Variants in ZGPAT observed in about 807,000 individuals in gnomAD.
ZGPAT encodes zinc finger CCCH-type with G patch domain-containing protein.
A neutral mutation model predicts 47.9 loss-of-function variants in ZGPAT; 39 were observed. The observed-to-expected ratio is 0.81, with a 90% confidence interval of 0.63 to 1.06. ZGPAT has a LOEUF of 1.06. ZGPAT is among the 50% of genes least tolerant of loss of function. The pLI is 0.00. For missense variants in ZGPAT, 717 were observed against 681.4 expected, an observed-to-expected ratio of 1.05 and a Z score of -0.58; for synonymous variants, 348 against 292.9, an observed-to-expected ratio of 1.19 and a Z score of -1.92.
intron 2 of ZGPAT, among the ~76,000 whole-genome samples, chr20:63,721,893 A>T (rs772843658): frequency 1.3e-5 from 2 of 151,938 alleles, no homozygotes; most frequent in African/African-American, 4.8e-5. Flanking sequence ...GGTGCCTGTA[A>T]TCTCAGCTAC....
At position 63,736,050 on chromosome 20, in the gene ZGPAT, T is replaced by G. The variant is rs1601356874; in HGVS notation, c.*131T>G. On this transcript the variant is annotated 3_prime_UTR_variant, in exon 7 of 7. Coordinates refer to ENST00000355969, the MANE Select transcript of ZGPAT (RefSeq NM_181485.3). ...AGACACTGCTGAGTGGAGACAGAGCTGCGGGGTCCCATCTGGACACTTACT... is the reference window on the plus strand; with the variant it reads ...AGACACTGCTGAGTGGAGACAGAGCGGCGGGGTCCCATCTGGACACTTACT... The G allele has an allele frequency of 7.5e-7, 1 of 1,340,512 alleles. No individual in the cohort carries two copies. The allele number at this position is 1,340,512 out of a possible 1,614,324, so 83.0% of individuals were successfully genotyped here.
At chr20:63,727,326 C>T (rs1002437698) in intron 2 of ZGPAT, among the ~76,000 whole-genome samples, 1 of 151,394 alleles carries the variant, frequency 6.6e-6, no homozygotes, top group African/African-American at 2.4e-5. Context: ...CTGCAACCCT[C>T]TGCCTTCTGG....
At position 63,708,876 on chromosome 20, in the gene ZGPAT, C is replaced by T. The variant is rs951663826; in HGVS notation, c.296C>T (p.Ser99Phe). The T allele has an allele frequency of 1.2e-6, 2 of 1,610,746 alleles. No homozygotes were observed. The highest frequency in any genetic ancestry group is 2.7e-5 in the African/African-American group (2 of 74,920). ...AVEAPAAARG[S>F]GSETVPKAEA... ...GAGGCACCAGCAGCGGCCCGTGGGT[C>T]CGGATCAGAGACCGTTCCTAAAGCA... The change falls in exon 2 of 7, where the codon TCC (serine) becomes TTC (phenylalanine). Residue 99 changes from serine to phenylalanine, a missense_variant. Physicochemically the swap from Ser to Phe is radical, Grantham distance 155. Coordinates refer to ENST00000355969, the MANE Select transcript of ZGPAT (RefSeq NM_181485.3).
chr20:63,725,753 G>A (rs184901525), intron 2 of ZGPAT, among the ~76,000 whole-genome samples: 17 of 140,202 alleles, frequency 1.2e-4, no homozygotes, highest in South Asian at 2.3e-4. Context: ...GTTGGTGTGC[G>A]TTCTCTAAAG....
chr20:63,730,894 TTCTG>T (rs2091890713), intron 2 of ZGPAT, among the ~76,000 whole-genome samples: 1 of 150,676 alleles, frequency 6.6e-6, no homozygotes, highest in Non-Finnish European at 1.5e-5. Context: ...AAGATTGCAG[TTCTG>T]TCTGTCCCCA....
At chr20:63,713,341 C>G (rs2091690401) in intron 2 of ZGPAT, among the ~76,000 whole-genome samples, 1 of 151,854 alleles carries the variant, frequency 6.6e-6, no homozygotes, top group Admixed American at 6.6e-5. Context: ...CACCATTCTT[C>G]TGCCTCAGCC....
intron 2 of ZGPAT, among the ~76,000 whole-genome samples, chr20:63,714,871 A>C (rs2091710285): frequency 6.6e-6 from 1 of 151,802 alleles, no homozygotes; most frequent in Non-Finnish European, 1.5e-5. Flanking sequence ...CTTAAACTCC[A>C]GGGCTCAAGC....
At chr20:63,731,595 G>A (rs1285808512) in intron 2 of ZGPAT, among the ~76,000 whole-genome samples, 1 of 150,572 alleles carries the variant, frequency 6.6e-6, no homozygotes, top group Non-Finnish European at 1.5e-5. Flanking sequence ...CATGTGTAAA[G>A]TGTACAGTTG....
At chr20:63,709,435 C>G (rs369336950) in intron 2 of ZGPAT, among the ~76,000 whole-genome samples, 1 of 152,142 alleles carries the variant, frequency 6.6e-6, no homozygotes, top group African/African-American at 2.4e-5. Flanking sequence ...GTCAGGAGTT[C>G]AAGACCACGC....
Position 63,735,287 on chromosome 20 carries a change from A to G in ZGPAT, c.1120A>G (p.Lys374Glu). 1 of 1,605,682 alleles carries G rather than the reference A, an allele frequency of 6.2e-7. No homozygotes were observed. The highest frequency in any genetic ancestry group is 1.7e-4 in the Middle Eastern group (1 of 6,020). Residue 374 changes from lysine (K) to glutamate (E), a missense_variant, in exon 6 of 7, where the codon AAG (lysine) becomes GAG (glutamate). Physicochemically the swap from Lys to Glu is moderately conservative, Grantham distance 56 (BLOSUM62 1). Transcript: ENST00000355969. Reference protein sequence around the residue: ...QTRVGKAGTNKPPRCRGRGAR... With the variant: ...QTRVGKAGTNEPPRCRGRGAR... Reference sequence around the variant, plus strand: ...CAGGGTTGGCAAGGCTGGCACCAACAAGCCCCCCAGGTGCCGGGGAAGAGG... The same window carrying G: ...CAGGGTTGGCAAGGCTGGCACCAACGAGCCCCCCAGGTGCCGGGGAAGAGG...
At chr20:63,710,779 A>G (rs543786238) in intron 2 of ZGPAT, among the ~76,000 whole-genome samples, 1 of 152,360 alleles carries the variant, frequency 6.6e-6, no homozygotes, top group African/African-American at 2.4e-5. Flanking sequence ...AGGACAAAAA[A>G]GAGTAACTTC....
At chr20:63,727,545 C>A (rs1348362699) in intron 2 of ZGPAT, among the ~76,000 whole-genome samples, 3 of 151,874 alleles carry the variant, frequency 2.0e-5, no homozygotes, top group African/African-American at 7.3e-5. Flanking sequence ...GTAGCTCACA[C>A]CTGTAGTCCC....
intron 2 of ZGPAT, among the ~76,000 whole-genome samples, chr20:63,709,792 C>T (rs2091639538): frequency 6.6e-6 from 1 of 152,050 alleles, no homozygotes; most frequent in Non-Finnish European, 1.5e-5. Context: ...GATCCTCCTG[C>T]CTCAGCCCCC....
At chr20:63,711,319 G>C (rs1325421033) in intron 2 of ZGPAT, among the ~76,000 whole-genome samples, 1 of 152,180 alleles carries the variant, frequency 6.6e-6, no homozygotes, top group East Asian at 1.9e-4. Context: ...ACTGCTCCAA[G>C]GGTTTCATAT....
chr20:63,734,875 A>G (rs761406898), intron 5 of ZGPAT, 51 bp downstream of exon 5: 1 of 1,514,844 alleles, frequency 6.6e-7, no homozygotes, highest in Non-Finnish European at 8.8e-7. Context: ...AGCATAGCCC[A>G]GGTCCAGCAG....
chr20:63,717,439 G>A (rs374194486), intron 2 of ZGPAT, among the ~76,000 whole-genome samples: 27 of 138,622 alleles, frequency 1.9e-4, no homozygotes, highest in Middle Eastern at 4.4e-3. Context: ...AGCCTCCGCC[G>A]CCCAGGCGAT....
chr20:63,719,988 C>T (rs913730838), intron 2 of ZGPAT, among the ~76,000 whole-genome samples: 9 of 152,012 alleles, frequency 5.9e-5, no homozygotes, highest in Admixed American at 1.3e-4. Flanking sequence ...GTGATCTGTC[C>T]GCCTCAGCCT....
intron 2 of ZGPAT, 46 bp from the exon 3 acceptor site, chr20:63,733,173 C>T (rs1462480191): frequency 5.6e-6 from 9 of 1,595,562 alleles, no homozygotes; most frequent in Non-Finnish European, 7.7e-6. Context: ...TGGTTTGCCC[C>T]TGGTGGCCCA....
chr20:63,710,061 CAT>C (rs2091647702), intron 2 of ZGPAT, among the ~76,000 whole-genome samples: 1 of 151,802 alleles, frequency 6.6e-6, no homozygotes, highest in Admixed American at 6.6e-5. Context: ...GGGGTTTCAC[CAT>C]GTTAGCCAGG....
Sources: gnomAD v4.1 joint callset for allele counts (sites outside exome capture counted in the v4.1 genomes callset) on GRCh38, gnomAD v4.1.1 for gene constraint, MANE v1.5 for transcripts, NCBI Gene and HGNC (gene_info 2026-07-23, HGNC 2026-07-21) for gene names.